Variants in ARHGAP39 observed in about 807,000 individuals in gnomAD.
The protein encoded by ARHGAP39 is rho GTPase-activating protein 39.
A neutral mutation model predicts 106.9 loss-of-function variants in ARHGAP39; 44 were observed. The ratio of observed to expected loss-of-function variants is 0.41; its 90% CI spans 0.32 to 0.53. ARHGAP39 has a LOEUF of 0.53. ARHGAP39 is among the 20% of genes least tolerant of loss of function. The probability of loss-of-function intolerance (pLI) is 0.21; values close to 1 mark genes in which losing one functional copy is unlikely to be tolerated. For missense variants in ARHGAP39, 1,496 were observed against 1,577.3 expected (o/e 0.95, Z 0.87); for synonymous variants, 768 against 693.2 (o/e 1.11, Z -1.69).
At chr8:144,594,776 T>C (rs145965156) in intron 2 of ARHGAP39, among the ~76,000 whole-genome samples, 1,661 of 151,748 alleles carry the variant, frequency 0.011, 32 homozygotes, top group African/African-American at 0.039. Context: ...TCCCTGCTAC[T>C]TGGGAGGCTG....
At chr8:144,610,876 G>C (rs1178433536) in intron 1 of ARHGAP39, among the ~76,000 whole-genome samples, 1 of 152,130 alleles carries the variant, frequency 6.6e-6, no homozygotes, top group Non-Finnish European at 1.5e-5. Flanking sequence ...GAGTGCAGTG[G>C]TGGGATCTTG....
chr8:144,547,492 T>C lies in ARHGAP39; in HGVS notation c.1594A>G (p.Ser532Gly). 6.6e-7 allele frequency: 1 copy of C among 1,520,494 alleles called. No homozygotes were observed. Among genetic ancestry groups the C allele is most frequent in the Non-Finnish European group, 8.8e-7 (1 of 1,137,830 alleles). 94.2% of individuals were successfully genotyped at this position (1,520,494 alleles called of 1,614,324 possible). A position where few individuals can be genotyped will look rare whatever the true frequency, so the allele number is the denominator to read the frequency against. The change falls in exon 5 of 12, where the codon AGC becomes GGC. Residue 532 changes from serine (S) to glycine (G), a missense_variant. This residue lies in a region of ARHGAP39 where 905 missense variants were observed against 816.4 expected (regional missense o/e 1.11). Coordinates refer to ENST00000377307, the MANE Select transcript of ARHGAP39 (RefSeq NM_025251.3). This position sits in a 1 kb window ranked among gnomAD's most constrained non-coding sequence, Gnocchi z 5.2. ...LAEEQPPCGT[S>G]LAPVKRAEGE... ...TCCGCTCGCTTCACGGGGGCGAGGC[T>C]GGTCCCGCACGGGGGCTGTTCCTCG...
intron 3 of ARHGAP39, among the ~76,000 whole-genome samples, chr8:144,557,683 A>G (rs866718282): frequency 2.8e-3 from 415 of 148,968 alleles, no homozygotes; most frequent in East Asian, 8.0e-3. Context: ...CTGAACCTTC[A>G]TAGTATTCAG....
the ARHGAP39 span, among the ~76,000 whole-genome samples, chr8:144,697,008 C>G: frequency 3.3e-5 from 5 of 152,046 alleles, no homozygotes; most frequent in South Asian, 1.0e-3. Flanking sequence ...AGACAGAGGA[C>G]AACTTTAATT....
Position 144,647,313 on chromosome 8 carries a change from A to G in ARHGAP39, c.-82+38373T>C, listed in dbSNP as rs1465157268. 6.6e-6 allele frequency among the ~76,000 whole-genome samples: 1 copy of G among 152,118 alleles called. No individual in the cohort carries two copies. ...TCGAGCATGTGGCCCCAGTAAGAGC[A>G]GGGAAGGGACGAACAGCCCATCCTC... On this transcript the variant is annotated intron_variant, in intron 1 of 11. Transcript: ENST00000377307. This position sits in a 1 kb window ranked among gnomAD's most constrained non-coding sequence, Gnocchi z 4.8.
At chr8:144,530,964 T>TG in intron 10 of ARHGAP39, 93 bp from the exon 11 acceptor site, 3 of 1,453,004 alleles carry the variant, frequency 2.1e-6, no homozygotes, top group Non-Finnish European at 9.2e-7. Context: ...AGGGGTGCTG[T>TG]GGGGGACAGG....
intron 1 of ARHGAP39, among the ~76,000 whole-genome samples, chr8:144,606,653 C>CGGA (rs1052465061): frequency 3.3e-5 from 5 of 151,752 alleles, no homozygotes; most frequent in African/African-American, 9.7e-5. Flanking sequence ...GAGGTGACTG[C>CGGA]GGAGGAGGAG....
At chr8:144,668,019 C>A (rs994584077) in intron 1 of ARHGAP39, among the ~76,000 whole-genome samples, 2 of 146,782 alleles carry the variant, frequency 1.4e-5, no homozygotes, top group African/African-American at 2.7e-5. Context: ...GTGTTCACAG[C>A]CTTTTTTTTT....
At chr8:144,624,112 G>T (rs1395435604) in intron 1 of ARHGAP39, among the ~76,000 whole-genome samples, 2 of 152,180 alleles carry the variant, frequency 1.3e-5, no homozygotes, top group African/African-American at 4.8e-5. Context: ...CCGAAGAGAA[G>T]CTTCCTTACG....
chr8:144,546,664 G>A (rs769403214), intron 5 of ARHGAP39, among the ~76,000 whole-genome samples: 4 of 152,120 alleles, frequency 2.6e-5, no homozygotes, highest in East Asian at 1.9e-4. Flanking sequence ...GCAACATCCC[G>A]GAATTCCTGC....
chr8:144,675,591 C>T (rs1822212534), intron 1 of ARHGAP39, among the ~76,000 whole-genome samples: 1 of 151,682 alleles, frequency 6.6e-6, no homozygotes. Flanking sequence ...AGTGAAGCTG[C>T]AGACCTTTGT....
chr8:144,598,216 G>T (rs562539013), intron 2 of ARHGAP39, among the ~76,000 whole-genome samples: 2 of 151,536 alleles, frequency 1.3e-5, no homozygotes, highest in Non-Finnish European at 1.5e-5. Flanking sequence ...GGGCCTTTCC[G>T]CGTTGAGTGT....
chr8:144,541,528 T>TCTC (rs1339498844), intron 6 of ARHGAP39, among the ~76,000 whole-genome samples: 6 of 152,130 alleles, frequency 3.9e-5, no homozygotes, highest in African/African-American at 1.4e-4. Context: ...ACTCCCCGCT[T>TCTC]CTCCCTCCCT....
At chr8:144,592,307 C>T (rs1258093970) in intron 2 of ARHGAP39, among the ~76,000 whole-genome samples, 19 of 113,142 alleles carry the variant, frequency 1.7e-4, no homozygotes, top group African/African-American at 2.4e-4. Context: ...CCCAGACCCT[C>T]GGGAAACCTG....
intron 4 of ARHGAP39, among the ~76,000 whole-genome samples, chr8:144,553,762 C>G (rs549654773): frequency 6.6e-6 from 1 of 152,368 alleles, no homozygotes; most frequent in South Asian, 2.1e-4. Flanking sequence ...CCACACTGGC[C>G]AAGGGCCAGG....
chr8:144,566,372 T>G (rs1818396939), intron 3 of ARHGAP39, among the ~76,000 whole-genome samples: 1 of 152,054 alleles, frequency 6.6e-6, no homozygotes, highest in African/African-American at 2.4e-5. Flanking sequence ...GAGACCACCC[T>G]GGGCAACATG....
chr8:144,654,896 C>A (rs1388518439), intron 1 of ARHGAP39, among the ~76,000 whole-genome samples: 2 of 151,500 alleles, frequency 1.3e-5, no homozygotes, highest in African/African-American at 4.9e-5. Context: ...GGCTGCAGAC[C>A]CAGCCTCCTG....
intron 1 of ARHGAP39, among the ~76,000 whole-genome samples, chr8:144,635,163 G>C (rs1290059584): frequency 6.6e-6 from 1 of 152,222 alleles, no homozygotes; most frequent in African/African-American, 2.4e-5. Context: ...GTTGACTCAG[G>C]GCTGCAGCCC....
At chr8:144,661,704 G>T (rs575634447) in intron 1 of ARHGAP39, among the ~76,000 whole-genome samples, 10 of 152,162 alleles carry the variant, frequency 6.6e-5, no homozygotes, top group Admixed American at 2.0e-4. Context: ...ACGAGACGGG[G>T]TTTGCTGTGT....
Sources: gnomAD v4.1 joint callset for allele counts (sites outside exome capture counted in the v4.1 genomes callset) on GRCh38, gnomAD v4.1.1 for gene constraint, gnomAD v4.1.1 regional missense constraint, Gnocchi (gnomAD v3.1) non-coding constraint, MANE v1.5 for transcripts, NCBI Gene and HGNC (gene_info 2026-07-23, HGNC 2026-07-21) for gene names.